Variants in TNIK observed in about 807,000 individuals in gnomAD.
The protein encoded by TNIK is TRAF2 and NCK interacting kinase, also known as TRAF2 and NCK-interacting protein kinase.
In TNIK, 49 loss-of-function variants were observed where a neutral mutation model predicts 191.3. That is an observed-to-expected ratio of 0.26 (90% confidence interval 0.20 to 0.32). TNIK has a LOEUF of 0.32. Among genes scored for constraint, TNIK ranks in the 10% least tolerant of loss-of-function variants. TNIK has a pLI of 1.00. For synonymous variants in TNIK, 594 were observed against 600.9 expected (o/e 0.99, Z 0.17); for missense variants, 1,155 against 1,702.3 (o/e 0.68, Z 5.66).
chr3:171,420,177 C>G (rs1723588980), intron 1 of TNIK, among the ~76,000 whole-genome samples: 1 of 152,072 alleles, frequency 6.6e-6, no homozygotes, highest in Non-Finnish European at 1.5e-5. Context: ...TAAGACAGGC[C>G]CAACTGTCCC....
chr3:171,240,766 TA>T (rs960150420), intron 2 of TNIK, among the ~76,000 whole-genome samples: 2 of 152,220 alleles, frequency 1.3e-5, no homozygotes, highest in African/African-American at 4.8e-5. Context: ...AACTCCACTT[TA>T]ACTCTTATTA....
intron 18 of TNIK, among the ~76,000 whole-genome samples, chr3:171,112,995 C>T (rs1726085020): frequency 6.6e-6 from 1 of 152,020 alleles, no homozygotes; most frequent in East Asian, 1.9e-4. Context: ...TGTGTGTGTG[C>T]ATATGTATGA....
intron 2 of TNIK, among the ~76,000 whole-genome samples, chr3:171,239,061 G>A (rs1744642181): frequency 6.6e-6 from 1 of 152,038 alleles, no homozygotes; most frequent in Admixed American, 6.5e-5. Context: ...TATTATAACT[G>A]GACACAATTC....
chr3:171,119,106 AC>A (rs1727243787), intron 18 of TNIK, among the ~76,000 whole-genome samples: 1 of 152,350 alleles, frequency 6.6e-6, no homozygotes, highest in African/African-American at 2.4e-5. Flanking sequence ...TAAGAAAAAA[AC>A]AACCCCATCA....
chr3:171,147,869 T>C (rs1424208817), intron 12 of TNIK, among the ~76,000 whole-genome samples: 1 of 152,160 alleles, frequency 6.6e-6, no homozygotes. Flanking sequence ...GCTGCCTCAT[T>C]TGGGTCCACA....
intron 26 of TNIK, among the ~76,000 whole-genome samples, chr3:171,083,660 T>C (rs1305204166): frequency 6.6e-6 from 1 of 152,244 alleles, no homozygotes; most frequent in East Asian, 1.9e-4. Context: ...TTGTTATTGC[T>C]AGGGTTATGA....
chr3:171,330,544 C>G (rs1040338158), intron 2 of TNIK, among the ~76,000 whole-genome samples: 1 of 152,138 alleles, frequency 6.6e-6, no homozygotes, highest in African/African-American at 2.4e-5. Context: ...CAGCAGAATA[C>G]TAATAACAAA....
chr3:171,157,360 T>A, intron 12 of TNIK, 100 bp downstream of exon 12: 1 of 1,414,020 alleles, frequency 7.1e-7, no homozygotes, highest in African/African-American at 1.4e-5. Context: ...GCCTCTAAGC[T>A]CTGTGTGCTC....
chr3:171,364,611 C>T (rs115627287), intron 2 of TNIK, among the ~76,000 whole-genome samples: 3,176 of 152,228 alleles, frequency 0.021, 100 homozygotes, highest in African/African-American at 0.072. Flanking sequence ...TTTCCCTTGA[C>T]TTATGTATTT....
intron 1 of TNIK, among the ~76,000 whole-genome samples, chr3:171,446,966 G>A (rs898904033): frequency 2.0e-5 from 3 of 152,160 alleles, no homozygotes; most frequent in East Asian, 1.9e-4. Flanking sequence ...TGAGGCGGGC[G>A]GATCACCTGA....
intron 2 of TNIK, among the ~76,000 whole-genome samples, chr3:171,307,902 T>C (rs1753622403): frequency 6.6e-6 from 1 of 152,190 alleles, no homozygotes; most frequent in African/African-American, 2.4e-5. Flanking sequence ...TGCCACGAGA[T>C]GACGTTATCA....
intron 21 of TNIK, among the ~76,000 whole-genome samples, chr3:171,104,414 A>T (rs1724296588): frequency 6.6e-6 from 1 of 152,326 alleles, no homozygotes; most frequent in Non-Finnish European, 1.5e-5. Context: ...GGAGCTAAAA[A>T]GTATTTAAAA....
At chr3:171,396,850 T>C (rs976448852) in intron 1 of TNIK, among the ~76,000 whole-genome samples, 3 of 152,206 alleles carry the variant, frequency 2.0e-5, no homozygotes, top group Non-Finnish European at 4.4e-5. Flanking sequence ...TTCAGTCTAC[T>C]GTGTCTGTGT....
intron 2 of TNIK, among the ~76,000 whole-genome samples, chr3:171,335,619 T>C (rs1178213429): frequency 1.3e-5 from 2 of 152,260 alleles, no homozygotes; most frequent in Non-Finnish European, 2.9e-5. Flanking sequence ...TTTTATTGTT[T>C]AGTCGTATTC....
intron 2 of TNIK, among the ~76,000 whole-genome samples, chr3:171,261,178 G>T (rs1216166586): frequency 6.6e-6 from 1 of 152,114 alleles, no homozygotes; most frequent in South Asian, 2.1e-4. Flanking sequence ...CCCATACAAG[G>T]CTACTCTCTT....
intron 1 of TNIK, among the ~76,000 whole-genome samples, chr3:171,447,825 G>A (rs1043736665): frequency 1.3e-5 from 2 of 152,162 alleles, no homozygotes; most frequent in Non-Finnish European, 2.9e-5. Context: ...CAGTTGGAAA[G>A]TTAGAAATAA....
At chr3:171,065,023 C>G (rs1005610097) in intron 32 of TNIK, among the ~76,000 whole-genome samples, 1 of 152,214 alleles carries the variant, frequency 6.6e-6, no homozygotes, top group Non-Finnish European at 1.5e-5. Context: ...CTGCTCTTCC[C>G]TCCAAGTTGT....
At chr3:171,096,590 T>G (rs1030943708) in intron 22 of TNIK, among the ~76,000 whole-genome samples, 64 of 152,210 alleles carry the variant, frequency 4.2e-4, no homozygotes, top group Non-Finnish European at 1.3e-4. Flanking sequence ...TAGCCTGCCC[T>G]CTTTACCTGG....
intron 2 of TNIK, among the ~76,000 whole-genome samples, chr3:171,280,064 C>T (rs1172340882): frequency 6.6e-6 from 1 of 152,220 alleles, no homozygotes; most frequent in Non-Finnish European, 1.5e-5. Context: ...ACTTTCCCAT[C>T]TGGAATCTGT....
Sources: allele counts gnomAD v4.1 joint callset (sites outside exome capture counted in the v4.1 genomes callset), GRCh38; gene constraint gnomAD v4.1.1; transcripts MANE v1.5; gene names NCBI Gene and HGNC (gene_info 2026-07-23, HGNC 2026-07-21).